Variants in KCNJ9 observed in about 807,000 individuals in gnomAD.
KCNJ9 encodes G protein-activated inward rectifier potassium channel 3.
Under a neutral mutation model 27.9 loss-of-function variants are expected in KCNJ9, and 18 were observed. The observed-to-expected ratio is 0.65, with a 90% CI of 0.45 to 0.96. The LOEUF is 0.96. KCNJ9 is among the 40% of genes least tolerant of loss of function. KCNJ9 has a pLI of 0.00. For missense variants in KCNJ9, 324 were observed against 557.5 expected, an observed-to-expected ratio of 0.58 and a Z score of 4.22; for synonymous variants, 229 against 248.2, an observed-to-expected ratio of 0.92 and a Z score of 0.73.
intron 1 of KCNJ9, among the ~76,000 whole-genome samples, chr1:160,082,362 G>A (rs189579844): frequency 6.6e-6 from 1 of 152,310 alleles, no homozygotes; most frequent in Non-Finnish European, 1.5e-5. Context: ...GGGGGCAGGG[G>A]AAACCCTAAT....
Position 160,088,155 on chromosome 1 carries a change from T to G in KCNJ9, c.*338T>G. The G allele has an allele frequency of 3.9e-6, 1 of 253,528 alleles. No homozygotes were observed. The allele number at this position is 253,528 out of a possible 1,614,324, so 15.7% of individuals were successfully genotyped here. A position where few individuals can be genotyped will look rare whatever the true frequency, so the allele number is the denominator to read the frequency against. ...CAGATAAAGACAGCTGACAGATACA[T>G]AGATGGACCAGTAGACAACTGGTCC... On this transcript the variant is annotated 3_prime_UTR_variant, in exon 3 of 3. Transcript: ENST00000368088.
At position 160,089,021 on chromosome 1, in the gene KCNJ9, C is replaced by T. The variant is rs753711052; in HGVS notation, c.*1204C>T. On this transcript the variant is annotated 3_prime_UTR_variant, in exon 3 of 3. Transcript: ENST00000368088. Reference sequence around the variant, plus strand: ...ATCACCTGGAGGGCTTGGTAAAACACAGATTTTTGGGCTCCACTCCAAGGG... The same window carrying T: ...ATCACCTGGAGGGCTTGGTAAAACATAGATTTTTGGGCTCCACTCCAAGGG... The T allele has an allele frequency of 1.3e-5, 2 of 152,224 alleles. No homozygotes were observed. The highest frequency in any genetic ancestry group is 6.5e-5 in the Admixed American group (1 of 15,286). 9.4% of individuals were successfully genotyped at this position (152,224 alleles called of 1,614,324 possible).
In KCNJ9 at chr1:160,089,978, C is replaced by T. The variant is rs1470033272; in HGVS notation, c.*2161C>T. 1 of 152,320 alleles carries T rather than the reference C, an allele frequency of 6.6e-6. No individual in the cohort carries two copies. Among genetic ancestry groups the T allele is most frequent in the Non-Finnish European group, 1.5e-5 (1 of 68,146 alleles). The allele number at this position is 152,320 out of a possible 1,614,324, so 9.4% of individuals were successfully genotyped here. A position where few individuals can be genotyped will look rare whatever the true frequency, so the allele number is the denominator to read the frequency against. ...AGGGTCCTATGGGCATAGCCAGGGC[C>T]CTATGGGTCCTCTGGAAGCAAGAAA... On this transcript the variant is annotated 3_prime_UTR_variant, in exon 3 of 3. Coordinates refer to ENST00000368088, the MANE Select transcript of KCNJ9 (RefSeq NM_004983.3).
At position 160,084,538 on chromosome 1, in the gene KCNJ9, A is replaced by G; in HGVS notation, c.508A>G (p.Thr170Ala). The G allele has an allele frequency of 6.2e-7, 1 of 1,612,494 alleles. No individual in the cohort carries two copies. The highest frequency in any genetic ancestry group is 8.5e-7 in the Non-Finnish European group (1 of 1,179,432). ...CTCGCAGCCCAACAAGCGCGCAGCC[A>G]CGCTCGTCTTCTCCTCGCACGCCGT... ...KISQPNKRAA[T>A]LVFSSHAVVS... Residue 170 changes from threonine (T) to alanine (A), a missense_variant, in exon 2 of 3, where the codon ACG becomes GCG. By Grantham distance (58) the Thr-to-Ala change is moderately conservative. Coordinates refer to ENST00000368088, the MANE Select transcript of KCNJ9 (RefSeq NM_004983.3).
chr1:160,084,718 G>T lies in KCNJ9; in HGVS notation c.688G>T (p.Val230Leu). Residue 230 changes from valine (V) to leucine (L), a missense_variant, in exon 2 of 3, where the codon GTG becomes TTG. Physicochemically the swap from Val to Leu is conservative, Grantham distance 32 (BLOSUM62 1). Transcript: ENST00000368088. Reference protein sequence around the residue: ...FIPLHQTDLSVGFDTGDDRLF... With the variant: ...FIPLHQTDLSLGFDTGDDRLF... ...CCCGCTGCACCAGACCGACCTCAGC[G>T]TGGGCTTCGACACGGGAGACGACCG... 6.3e-7 allele frequency: 1 copy of T among 1,589,158 alleles called. No homozygotes were observed. Among genetic ancestry groups the T allele is most frequent in the South Asian group, 1.1e-5 (1 of 87,878 alleles).
intron 2 of KCNJ9, among the ~76,000 whole-genome samples, chr1:160,086,977 G>A (rs1309619246): frequency 6.6e-6 from 1 of 152,256 alleles, no homozygotes; most frequent in Non-Finnish European, 1.5e-5. Flanking sequence ...AGAGGACTGT[G>A]AAGTGGGAGG....
rs368222826 is a variant in KCNJ9, at chr1:160,087,638, G to A, written c.1003G>A (p.Ala335Thr). 1.2e-6 allele frequency: 2 copies of A among 1,612,484 alleles called. No individual in the cohort carries two copies. The highest frequency in any genetic ancestry group is 1.7e-6 in the Non-Finnish European group (2 of 1,179,388). ...TGAGGTGCCCACACCTTCGTGCAGT[G>A]CTCGAGAGCTGGCAGAGGCTGCCGC... ...TFEVPTPSCS[A>T]RELAEAAARL... Residue 335 changes from alanine to threonine, a missense_variant, in exon 3 of 3, where the codon GCT becomes ACT. By Grantham distance (58) the Ala-to-Thr change is moderately conservative. Transcript: ENST00000368088.
In KCNJ9 at chr1:160,084,120, G is replaced by T; in HGVS notation, c.90G>T (p.Arg30=). 6.4e-7 allele frequency: 1 copy of T among 1,555,910 alleles called. No individual in the cohort carries two copies. The highest frequency in any genetic ancestry group is 8.7e-7 in the Non-Finnish European group (1 of 1,150,926). Residue 30 remains arginine, a synonymous_variant, in exon 2 of 3, where the codon CGG becomes CGT. Transcript: ENST00000368088. ...AGCGCTACGTGGAGAAGGATGGCCG[G>T]TGCAACGTGCAGCAGGGCAACGTGC... ...GRQRYVEKDG[R]CNVQQGNVRE...
At chr1:160,082,514 C>A (rs565971077) in intron 1 of KCNJ9, among the ~76,000 whole-genome samples, 41 of 152,326 alleles carry the variant, frequency 2.7e-4, no homozygotes, top group African/African-American at 7.5e-4. Flanking sequence ...AACACACACA[C>A]ACACACCCTC....
intron 2 of KCNJ9, among the ~76,000 whole-genome samples, chr1:160,086,226 T>TC (rs1183185945): frequency 1.3e-5 from 2 of 152,208 alleles, no homozygotes; most frequent in Non-Finnish European, 2.9e-5. Context: ...CGCCAGGCTT[T>TC]CCGAGTTGAC....
chr1:160,087,538 C>G lies in KCNJ9; in HGVS notation c.903C>G (p.Gly301=). 6.2e-7 allele frequency: 1 copy of G among 1,612,984 alleles called. No homozygotes were observed. The change falls in exon 3 of 3, where the codon GGC becomes GGG. Residue 301 remains glycine, a synonymous_variant. Coordinates refer to ENST00000368088, the MANE Select transcript of KCNJ9 (RefSeq NM_004983.3). ...SSYLVDEVLW[G]HRFTSVLTLE... is the part of the protein sequence containing the mutation. Reference sequence around the variant, plus strand: ...ACCTGGTAGACGAGGTGCTGTGGGGCCACCGCTTCACGTCAGTGCTGACTC... The same window carrying G: ...ACCTGGTAGACGAGGTGCTGTGGGGGCACCGCTTCACGTCAGTGCTGACTC...
chr1:160,087,181 G>A (rs911852415), intron 2 of KCNJ9, among the ~76,000 whole-genome samples: 10 of 152,196 alleles, frequency 6.6e-5, no homozygotes, highest in Non-Finnish European at 1.3e-4. Context: ...TGTATGGAGT[G>A]AGAAGTTGGA....
At chr1:160,086,859 G>A (rs1649786249) in intron 2 of KCNJ9, among the ~76,000 whole-genome samples, 1 of 152,206 alleles carries the variant, frequency 6.6e-6, no homozygotes. Flanking sequence ...AATCAAAAAA[G>A]TAGAGTTCTG....
intron 2 of KCNJ9, among the ~76,000 whole-genome samples, chr1:160,087,116 G>C (rs1649790411): frequency 6.6e-6 from 1 of 152,214 alleles, no homozygotes; most frequent in Non-Finnish European, 1.5e-5. Context: ...AATCCTGGGA[G>C]GTAATCAAGT....
chr1:160,083,908 T>C lies in KCNJ9; in HGVS notation c.-114-9T>C. ...CGAGGGGCCACTCATTCGGCAAACC[T>C]TTATTAAGCCCCTCCAGGACCCCCG... On this transcript the variant is annotated splice_polypyrimidine_tract_variant and intron_variant, in intron 1 of 2. Transcript: ENST00000368088. 1 of 934,242 alleles carries C rather than the reference T, an allele frequency of 1.1e-6. No individual in the cohort carries two copies. Among genetic ancestry groups the C allele is most frequent in the Non-Finnish European group, 1.4e-6 (1 of 734,208 alleles). 57.9% of individuals were successfully genotyped at this position (934,242 alleles called of 1,614,324 possible). A position where few individuals can be genotyped will look rare whatever the true frequency, so the allele number is the denominator to read the frequency against.
Position 160,087,475 on chromosome 1 carries a change from C to A in KCNJ9, c.851-11C>A. The A allele has an allele frequency of 1.3e-6, 2 of 1,583,046 alleles. No individual in the cohort carries two copies. The highest frequency in any genetic ancestry group is 2.3e-5 in the South Asian group (2 of 85,902). On this transcript the variant is annotated splice_polypyrimidine_tract_variant and intron_variant, in intron 2 of 2. Transcript: ENST00000368088. ...GCTGAGATTCCCCCTGACCGGTGCC[C>A]CTCCTCCCAGGAATGACATGCCAAG... is the stretch of plus-strand genomic sequence containing the variant.
At chr1:160,083,552 C>A (rs11265317) in intron 1 of KCNJ9, among the ~76,000 whole-genome samples, 15,050 of 152,156 alleles carry the variant, frequency 0.099, 1,018 homozygotes, top group Admixed American at 0.14. Flanking sequence ...CCAAAAAGCC[C>A]CCAGTCTATT....
intron 2 of KCNJ9, 55 bp from the exon 3 acceptor site, chr1:160,087,431 G>A (rs1352721408): frequency 3.9e-6 from 6 of 1,542,318 alleles, no homozygotes; most frequent in Non-Finnish European, 5.3e-6. Context: ...GGAATGAGAA[G>A]AGGAGAGGGA....
Position 160,084,003 on chromosome 1 carries a change from C to T in KCNJ9, c.-28C>T. On this transcript the variant is annotated 5_prime_UTR_variant, in exon 2 of 3. Coordinates refer to ENST00000368088, the MANE Select transcript of KCNJ9 (RefSeq NM_004983.3). Reference sequence around the variant, plus strand: ...CGGGCCCCCGCCGCACTCCAGGCGCCCGCAGCGCTCGCCCTGACGCGGCCG... The same window carrying T: ...CGGGCCCCCGCCGCACTCCAGGCGCTCGCAGCGCTCGCCCTGACGCGGCCG... The T allele has an allele frequency of 2.3e-6, 3 of 1,291,438 alleles. No individual in the cohort carries two copies. Among genetic ancestry groups the T allele is most frequent in the Admixed American group, 4.1e-5 (1 of 24,282 alleles). 80.0% of individuals were successfully genotyped at this position (1,291,438 alleles called of 1,614,324 possible). A position where few individuals can be genotyped will look rare whatever the true frequency, so the allele number is the denominator to read the frequency against.
Sources: allele counts gnomAD v4.1 joint callset (sites outside exome capture counted in the v4.1 genomes callset), GRCh38; gene constraint gnomAD v4.1.1; transcripts MANE v1.5; gene names NCBI Gene and HGNC (gene_info 2026-07-23, HGNC 2026-07-21).